CSTF3: variants seen among roughly 807,000 people sequenced by gnomAD.
CSTF3 encodes CF-1 77 kDa subunit.
A neutral mutation model predicts 105.8 loss-of-function variants in CSTF3; 29 were observed. The observed-to-expected ratio is 0.27, with a 90% CI of 0.20 to 0.37. The LOEUF (loss-of-function observed/expected upper bound fraction) is 0.37, where lower values mean the gene tolerates loss of function less well. Ranked by LOEUF, CSTF3 falls within the 10% of genes least tolerant of loss-of-function variation. The pLI is 1.00. For synonymous variants in CSTF3, 252 were observed against 281.9 expected, an observed-to-expected ratio of 0.89 and a Z score of 1.06; for missense variants, 357 against 879.3, an observed-to-expected ratio of 0.41 and a Z score of 7.51.
chr11:33,156,376 T>G (rs1177167809), intron 1 of CSTF3, among the ~76,000 whole-genome samples: 1 of 152,196 alleles, frequency 6.6e-6, no homozygotes, highest in East Asian at 1.9e-4. Flanking sequence ...TCTAAACAGC[T>G]TAAGTACTAA....
At position 33,096,412 on chromosome 11, in the gene CSTF3, C is replaced by T. The variant is rs201000740; in HGVS notation, c.1273-4G>A. On this transcript the variant is annotated splice_polypyrimidine_tract_variant and splice_region_variant and intron_variant, in intron 14 of 20. Transcript: ENST00000323959. ...TCTTAAAGGCAACAGATTTGTCCTACAAGTAAAGAAAGTAAAGTACAGATT... is the reference window on the plus strand; with the variant it reads ...TCTTAAAGGCAACAGATTTGTCCTATAAGTAAAGAAAGTAAAGTACAGATT... 12 of 1,563,058 alleles carry T rather than the reference C, an allele frequency of 7.7e-6. No individual in the cohort carries two copies. The highest frequency in any genetic ancestry group is 1.2e-5 in the South Asian group (1 of 84,328).
chr11:33,100,106 C>T (rs1230654295), intron 10 of CSTF3, among the ~76,000 whole-genome samples: 1 of 151,986 alleles, frequency 6.6e-6, no homozygotes, highest in East Asian at 1.9e-4. Context: ...TCTGTAATCC[C>T]AGCACTCTGG....
intron 3 of CSTF3, among the ~76,000 whole-genome samples, chr11:33,128,909 A>AT (rs1855571152): frequency 6.6e-6 from 1 of 152,160 alleles, no homozygotes; most frequent in Non-Finnish European, 1.5e-5. Context: ...TAACTCATAC[A>AT]TGTACTTCAA....
At chr11:33,160,279 C>G (rs948333087) in intron 1 of CSTF3, among the ~76,000 whole-genome samples, 3 of 152,170 alleles carry the variant, frequency 2.0e-5, no homozygotes, top group Admixed American at 6.5e-5. Context: ...AATCTACAGT[C>G]TTACAGACTA....
chr11:33,144,594 G>A (rs1855756394), intron 1 of CSTF3, among the ~76,000 whole-genome samples: 1 of 152,176 alleles, frequency 6.6e-6, no homozygotes. Context: ...AAATAAAGTT[G>A]AATTCCTACT....
chr11:33,091,171 T>C (rs1357758899), intron 16 of CSTF3, among the ~76,000 whole-genome samples: 1 of 152,220 alleles, frequency 6.6e-6, no homozygotes, highest in Non-Finnish European at 1.5e-5. Context: ...GGAATTATAA[T>C]GTAGAATACA....
At chr11:33,124,259 T>C (rs1042500421) in intron 3 of CSTF3, among the ~76,000 whole-genome samples, 1 of 152,106 alleles carries the variant, frequency 6.6e-6, no homozygotes, top group African/African-American at 2.4e-5. Context: ...ATTTAGTTCA[T>C]TTAGTTAATT....
intron 3 of CSTF3, among the ~76,000 whole-genome samples, chr11:33,129,580 G>A (rs771006393): frequency 1.5e-4 from 23 of 152,212 alleles, no homozygotes; most frequent in African/African-American, 4.8e-4. Flanking sequence ...AGGCAAATAC[G>A]TCAGTAGGCA....
chr11:33,108,484 C>A (rs1426610430), intron 3 of CSTF3, 66 bp from the exon 4 acceptor site: 6 of 1,270,682 alleles, frequency 4.7e-6, no homozygotes, highest in East Asian at 6.2e-5. Context: ...GAATTTTTGA[C>A]CAATTTTTAA....
At chr11:33,122,147 G>T (rs1855496093) in intron 3 of CSTF3, among the ~76,000 whole-genome samples, 1 of 152,190 alleles carries the variant, frequency 6.6e-6, no homozygotes, top group Non-Finnish European at 1.5e-5. Flanking sequence ...TACATTGTTG[G>T]ATAGCAAAGT....
intron 1 of CSTF3, among the ~76,000 whole-genome samples, chr11:33,151,372 G>T (rs901821597): frequency 1.3e-5 from 2 of 151,878 alleles, no homozygotes; most frequent in Admixed American, 1.3e-4. Flanking sequence ...AATTTATAGA[G>T]ATGGGGTTTT....
chr11:33,119,258 C>T (rs913719736), intron 3 of CSTF3, among the ~76,000 whole-genome samples: 1 of 151,780 alleles, frequency 6.6e-6, no homozygotes, highest in Admixed American at 6.6e-5. Flanking sequence ...CTAATCAAGA[C>T]AATCTTTCCC....
chr11:33,128,665 C>A (rs947474840), intron 3 of CSTF3, among the ~76,000 whole-genome samples: 5 of 151,948 alleles, frequency 3.3e-5, no homozygotes, highest in Non-Finnish European at 7.4e-5. Context: ...CTATATTATT[C>A]TCATATTTCT....
chr11:33,093,089 C>T (rs575215395), intron 15 of CSTF3, among the ~76,000 whole-genome samples: 3 of 152,238 alleles, frequency 2.0e-5, no homozygotes, highest in African/African-American at 7.2e-5. Context: ...TTCAATAAAG[C>T]TGTTCAAAAG....
intron 3 of CSTF3, among the ~76,000 whole-genome samples, chr11:33,120,380 G>C (rs1855474378): frequency 6.6e-6 from 1 of 151,668 alleles, no homozygotes; most frequent in Non-Finnish European, 1.5e-5. Context: ...TTCTCCATTA[G>C]AGTTTTTTTC....
chr11:33,154,491 CTTT>C (rs34462847), intron 1 of CSTF3, among the ~76,000 whole-genome samples: 6 of 60,892 alleles, frequency 9.9e-5, no homozygotes, highest in South Asian at 6.5e-4. Flanking sequence ...GTAAGACTTT[CTTT>C]TTTTTTTTTT....
intron 3 of CSTF3, among the ~76,000 whole-genome samples, chr11:33,119,309 T>G (rs1336102424): frequency 6.6e-6 from 1 of 151,890 alleles, no homozygotes; most frequent in Non-Finnish European, 1.5e-5. Context: ...TTTCTCTTAC[T>G]TAATTTTCAG....
chr11:33,133,228 GA>G (rs1357414490), intron 3 of CSTF3, among the ~76,000 whole-genome samples: 2 of 152,098 alleles, frequency 1.3e-5, no homozygotes, highest in Non-Finnish European at 2.9e-5. Context: ...TAAACATATT[GA>G]AAAACACCAG....
intron 5 of CSTF3, 77 bp from the exon 6 acceptor site, chr11:33,106,141 G>T: frequency 9.1e-7 from 1 of 1,100,108 alleles, no homozygotes; most frequent in Non-Finnish European, 1.4e-6. Flanking sequence ...CAGACATGGT[G>T]GCTCATGCCT....
Sources: allele counts gnomAD v4.1 joint callset (sites outside exome capture counted in the v4.1 genomes callset), GRCh38; gene constraint gnomAD v4.1.1; transcripts MANE v1.5; gene names NCBI Gene and HGNC (gene_info 2026-07-23, HGNC 2026-07-21).